The following MAST4 variants were observed in gnomAD, a reference collection of about 807,000 sequenced individuals.
MAST4 encodes the protein microtubule-associated serine/threonine-protein kinase 4.
A neutral mutation model predicts 162.7 loss-of-function variants in MAST4; 89 were observed. The observed-to-expected ratio is 0.55, with a 90% CI of 0.46 to 0.65. MAST4 has a LOEUF of 0.65. Ranked by LOEUF, MAST4 falls within the 30% of genes least tolerant of loss-of-function variation. The pLI, the probability that MAST4 is intolerant of heterozygous loss-of-function variation, is 0.00. For missense variants in MAST4, 3,153 were observed against 3,374.0 expected (o/e 0.93, Z 1.62); for synonymous variants, 1,479 against 1,361.1 (o/e 1.09, Z -1.91).
chr5:67,131,146 G>A (rs114209047), intron 15 of MAST4, among the ~76,000 whole-genome samples: 352 of 152,078 alleles, frequency 2.3e-3, no homozygotes, highest in Middle Eastern at 0.01. Flanking sequence ...GTCCAAGAAA[G>A]GAAGACTTAC....
chr5:67,054,253 C>A lies in MAST4; in HGVS notation c.675-151C>A. ...TCTAATATTCAAGAGGTAGCCACCC[C>A]TCAAATATTAGTGAATGCATAATTG... On this transcript the variant is annotated intron_variant, in intron 4 of 28. Coordinates refer to ENST00000403625, the MANE Select transcript of MAST4 (RefSeq NM_001164664.2). 5.0e-6 allele frequency: 3 copies of A among 598,206 alleles called. No individual in the cohort carries two copies. In the South Asian group the frequency reaches 7.2e-5, roughly 14 times the overall value. 37.1% of individuals were successfully genotyped at this position (598,206 alleles called of 1,614,324 possible). A position where few individuals can be genotyped will look rare whatever the true frequency, so the allele number is the denominator to read the frequency against.
chr5:66,856,301 T>A (rs1345407721), intron 3 of MAST4, among the ~76,000 whole-genome samples: 1 of 152,188 alleles, frequency 6.6e-6, no homozygotes, highest in Non-Finnish European at 1.5e-5. Flanking sequence ...CCTCCCTGAC[T>A]CCCGATTGTG....
chr5:67,163,709 G>C lies in MAST4; in HGVS notation c.4530G>C (p.Leu1510=). The change falls in exon 29 of 29, where the codon CTG becomes CTC. Residue 1510 remains leucine, a synonymous_variant. Transcript: ENST00000403625. The surrounding 1 kb of genome is among the most constrained non-coding windows in gnomAD (Gnocchi z 7.0). ...SRARPVEQGC[L]KRPVSRKVGR... ...CCCGGCCAGTGGAGCAAGGCTGCCTGAAACGCCCAGTCTCCCGGAAGGTGG... is the reference window on the plus strand; with the variant it reads ...CCCGGCCAGTGGAGCAAGGCTGCCTCAAACGCCCAGTCTCCCGGAAGGTGG... 6.2e-7 allele frequency: 1 copy of C among 1,608,908 alleles called. No individual in the cohort carries two copies. The highest frequency in any genetic ancestry group is 8.5e-7 in the Non-Finnish European group (1 of 1,178,082).
chr5:66,690,106 C>T (rs1748942285), intron 1 of MAST4, among the ~76,000 whole-genome samples: 1 of 152,150 alleles, frequency 6.6e-6, no homozygotes, highest in Non-Finnish European at 1.5e-5. Flanking sequence ...AAACTCCACT[C>T]CTGTTCCCTC....
intron 3 of MAST4, among the ~76,000 whole-genome samples, chr5:66,898,229 C>A (rs987006474): frequency 1.3e-5 from 2 of 152,104 alleles, no homozygotes; most frequent in African/African-American, 4.8e-5. Flanking sequence ...CAAGAGGATG[C>A]TTGAACCCAG....
chr5:66,653,501 T>C (rs1018972727), intron 1 of MAST4, among the ~76,000 whole-genome samples: 7 of 152,232 alleles, frequency 4.6e-5, no homozygotes, highest in South Asian at 2.1e-4. Flanking sequence ...TGATGTCAGA[T>C]GTAAATACTT....
chr5:67,151,819 G>A (rs1194173186), intron 24 of MAST4, among the ~76,000 whole-genome samples: 3 of 139,650 alleles, frequency 2.1e-5, no homozygotes, highest in African/African-American at 8.2e-5. Flanking sequence ...CTAGGCTGGA[G>A]TGCCATGGCA....
chr5:66,827,480 T>C (rs1561359237), intron 3 of MAST4, among the ~76,000 whole-genome samples: 1 of 152,240 alleles, frequency 6.6e-6, no homozygotes, highest in Admixed American at 6.5e-5. Context: ...GTGGTTAGAT[T>C]CATAAATCCC....
chr5:66,885,985 A>G (rs961635940), intron 3 of MAST4, among the ~76,000 whole-genome samples: 3 of 152,062 alleles, frequency 2.0e-5, no homozygotes, highest in African/African-American at 7.2e-5. Context: ...CCTCACAACA[A>G]CTCTGACTTC....
At chr5:66,908,335 A>C (rs980908068) in intron 4 of MAST4, among the ~76,000 whole-genome samples, 76 of 152,284 alleles carry the variant, frequency 5.0e-4, no homozygotes, top group Non-Finnish European at 3.2e-4. Flanking sequence ...GTTTTGTCCC[A>C]GGGGAGAGGG....
intron 1 of MAST4, among the ~76,000 whole-genome samples, chr5:66,751,866 A>G (rs1315648759): frequency 6.7e-6 from 1 of 149,292 alleles, no homozygotes; most frequent in East Asian, 1.9e-4. Flanking sequence ...GTTGAAATGA[A>G]GGAAAAAATG....
intron 1 of MAST4, among the ~76,000 whole-genome samples, chr5:66,630,050 T>G (rs534093564): frequency 6.6e-6 from 1 of 152,122 alleles, no homozygotes; most frequent in Non-Finnish European, 1.5e-5. Context: ...TAGGGAGTGG[T>G]TCTCAACACT....
intron 5 of MAST4, among the ~76,000 whole-genome samples, chr5:67,087,186 G>T (rs1763332538): frequency 1.3e-5 from 2 of 151,996 alleles, no homozygotes; most frequent in Admixed American, 6.6e-5. Context: ...CCTATTAGAG[G>T]GTCAGTCATT....
chr5:66,749,993 TGAGA>T (rs966424262), intron 1 of MAST4, among the ~76,000 whole-genome samples: 8 of 151,934 alleles, frequency 5.3e-5, no homozygotes, highest in South Asian at 2.1e-4. Context: ...GTGGCAGGGA[TGAGA>T]GAGAGAGAGC....
rs2151150877 is a variant in MAST4, at chr5:67,167,349, C to T, written c.*298C>T. The T allele has an allele frequency of 4.0e-6, 1 of 251,656 alleles. No individual in the cohort carries two copies. The highest frequency in any genetic ancestry group is 1.6e-4 in the South Asian group (1 of 6,236). 15.6% of individuals were successfully genotyped at this position (251,656 alleles called of 1,614,324 possible). A position where few individuals can be genotyped will look rare whatever the true frequency, so the allele number is the denominator to read the frequency against. On this transcript the variant is annotated 3_prime_UTR_variant, in exon 29 of 29. Coordinates refer to ENST00000403625, the MANE Select transcript of MAST4 (RefSeq NM_001164664.2). ...AATGATTTTCTTTGTAAATATATAG[C>T]ATCGTGTTTGGTTTGGGATGTAGAG...
At chr5:66,692,698 A>C (rs1284813968) in intron 1 of MAST4, among the ~76,000 whole-genome samples, 1 of 151,860 alleles carries the variant, frequency 6.6e-6, no homozygotes, top group Non-Finnish European at 1.5e-5. Flanking sequence ...TGATTCCCTT[A>C]CCGTTCTGCA....
intron 1 of MAST4, among the ~76,000 whole-genome samples, chr5:66,641,763 C>T (rs1052930252): frequency 6.6e-6 from 1 of 151,558 alleles, no homozygotes; most frequent in Non-Finnish European, 1.5e-5. Flanking sequence ...GTTTGGAGAT[C>T]AATAAAAATA....
chr5:66,974,076 G>C (rs896849860), intron 4 of MAST4, among the ~76,000 whole-genome samples: 2 of 152,004 alleles, frequency 1.3e-5, no homozygotes. Context: ...CACTTCCTTA[G>C]CATCTATAGT....
chr5:66,704,587 G>A (rs1331720437), intron 1 of MAST4, among the ~76,000 whole-genome samples: 6 of 140,998 alleles, frequency 4.3e-5, no homozygotes, highest in Non-Finnish European at 9.0e-5. Flanking sequence ...TGCAAGCTCT[G>A]CCTCCCGGGT....
Sources: allele counts gnomAD v4.1 joint callset (sites outside exome capture counted in the v4.1 genomes callset), GRCh38; gene constraint gnomAD v4.1.1; non-coding constraint Gnocchi (gnomAD v3.1); transcripts MANE v1.5; gene names NCBI Gene and HGNC (gene_info 2026-07-23, HGNC 2026-07-21).